The following TNNI3K variants were observed in gnomAD, a reference collection of about 807,000 sequenced individuals.
TNNI3K encodes the protein serine/threonine-protein kinase TNNI3K.
TNNI3K carries 140 observed loss-of-function variants against 114.5 expected under a neutral mutation model. The ratio of observed to expected loss-of-function variants is 1.22; its 90% confidence interval spans 1.07 to 1.41. The LOEUF (loss-of-function observed/expected upper bound fraction) is 1.41. Ranked by LOEUF, TNNI3K falls within the 40% of genes most tolerant of loss-of-function variation. The probability of loss-of-function intolerance (pLI) is 0.00; values close to 1 mark genes in which losing one functional copy is unlikely to be tolerated. For missense variants in TNNI3K, 1,125 were observed against 1,007.6 expected, an observed-to-expected ratio of 1.12 and a Z score of -1.58; for synonymous variants, 347 against 347.5, an observed-to-expected ratio of 1.00 and a Z score of 0.02.
chr1:74,387,497 G>C (rs1415411486), intron 17 of TNNI3K, among the ~76,000 whole-genome samples: 2 of 152,138 alleles, frequency 1.3e-5, no homozygotes, highest in Non-Finnish European at 2.9e-5. Context: ...GAACCATAGG[G>C]ACTTCCCAAA....
intron 11 of TNNI3K, chr1:74,366,729 G>C (rs1363742980): frequency 6.6e-6 from 1 of 152,020 alleles, no homozygotes; most frequent in East Asian, 1.9e-4. Context: ...AAATCACCCT[G>C]TGAAAGAGGA....
intron 20 of TNNI3K, among the ~76,000 whole-genome samples, chr1:74,456,988 T>C (rs1160631639): frequency 6.6e-6 from 1 of 152,188 alleles, no homozygotes; most frequent in African/African-American, 2.4e-5. Flanking sequence ...CCTCCTTAAA[T>C]ATTAGATGAT....
At chr1:74,414,667 G>T (rs1665035898) in intron 17 of TNNI3K, among the ~76,000 whole-genome samples, 2 of 152,180 alleles carry the variant, frequency 1.3e-5, no homozygotes, top group African/African-American at 4.8e-5. Context: ...GAACTTGAAA[G>T]CTTATAAGAA....
chr1:74,511,187 C>T (rs1670199396), intron 23 of TNNI3K, among the ~76,000 whole-genome samples: 1 of 126,284 alleles, frequency 7.9e-6, no homozygotes, highest in African/African-American at 3.2e-5. Context: ...AGCTACCGTG[C>T]CCGGCCTATT....
At chr1:74,499,453 A>G (rs895083933) in intron 23 of TNNI3K, among the ~76,000 whole-genome samples, 7 of 152,214 alleles carry the variant, frequency 4.6e-5, no homozygotes, top group Admixed American at 4.6e-4. Context: ...TTATTAAAGT[A>G]TGTTGTTGTA....
chr1:74,503,344 T>G (rs781447493), intron 23 of TNNI3K, among the ~76,000 whole-genome samples: 6 of 152,246 alleles, frequency 3.9e-5, no homozygotes, highest in Non-Finnish European at 7.3e-5. Context: ...CTTTCTAACT[T>G]ATATTTTACT....
chr1:74,446,098 C>A (rs1306908909), intron 20 of TNNI3K, among the ~76,000 whole-genome samples: 1 of 151,924 alleles, frequency 6.6e-6, no homozygotes, highest in Non-Finnish European at 1.5e-5. Flanking sequence ...AGTTCTAGAT[C>A]CCTGAGGAAT....
intron 23 of TNNI3K, among the ~76,000 whole-genome samples, chr1:74,521,017 C>T (rs1457082997): frequency 6.6e-6 from 1 of 152,136 alleles, no homozygotes; most frequent in African/African-American, 2.4e-5. Context: ...CACAGATCCA[C>T]CTTCTCTGCT....
chr1:74,503,041 A>G (rs1669715120), intron 23 of TNNI3K, among the ~76,000 whole-genome samples: 1 of 152,226 alleles, frequency 6.6e-6, no homozygotes, highest in Non-Finnish European at 1.5e-5. Context: ...GGAACTGAGT[A>G]CACTGTAAAA....
intron 5 of TNNI3K, among the ~76,000 whole-genome samples, chr1:74,324,671 A>G (rs1659805090): frequency 6.6e-6 from 1 of 152,182 alleles, no homozygotes; most frequent in South Asian, 2.1e-4. Context: ...TTCAGGACAC[A>G]TACACTCAAC....
rs1480436537 is a variant in TNNI3K, at chr1:74,249,456, C to T, written c.150-3C>T. The T allele has an allele frequency of 1.9e-6, 3 of 1,608,370 alleles. No homozygotes were observed. The African/African-American group carries it at 4.0e-5, about 22-fold the overall frequency. On this transcript the variant is annotated splice_polypyrimidine_tract_variant and splice_region_variant and intron_variant, in intron 2 of 24. Coordinates refer to ENST00000326637, the MANE Select transcript of TNNI3K (RefSeq NM_015978.3). The stretch of plus-strand genomic sequence containing the variant: ...GTGATCATCTGTAACATGTTTTTTT[C>T]AGCTCTGATGAAGCCTTCAGTAAAG...
intron 5 of TNNI3K, among the ~76,000 whole-genome samples, chr1:74,324,619 A>T (rs1039440142): frequency 2.6e-5 from 4 of 152,192 alleles, no homozygotes; most frequent in African/African-American, 9.6e-5. Flanking sequence ...AGAAGAGGGC[A>T]GCACACCTTA....
chr1:74,497,224 G>C (rs1432437155), intron 23 of TNNI3K, among the ~76,000 whole-genome samples: 2 of 152,098 alleles, frequency 1.3e-5, no homozygotes, highest in Non-Finnish European at 2.9e-5. Flanking sequence ...GAATGAAGAA[G>C]GGAGAGCAGC....
intron 11 of TNNI3K, among the ~76,000 whole-genome samples, chr1:74,358,310 G>T (rs1025627699): frequency 4.6e-5 from 7 of 152,114 alleles, no homozygotes; most frequent in Admixed American, 6.6e-5. Context: ...GAAGCTGGAG[G>T]TGGAGAATTA....
intron 5 of TNNI3K, among the ~76,000 whole-genome samples, chr1:74,283,322 G>A (rs528224409): frequency 6.6e-6 from 1 of 152,196 alleles, no homozygotes; most frequent in Non-Finnish European, 1.5e-5. Flanking sequence ...CAGGCTTTTG[G>A]TCTGGAGATA....
intron 17 of TNNI3K, among the ~76,000 whole-genome samples, chr1:74,392,476 G>A (rs550146195): frequency 9.9e-5 from 15 of 152,272 alleles, no homozygotes; most frequent in Non-Finnish European, 1.8e-4. Flanking sequence ...TCACTAGACC[G>A]TGCTGTCCAT....
chr1:74,287,954 G>A (rs959734684), intron 5 of TNNI3K, among the ~76,000 whole-genome samples: 9 of 151,802 alleles, frequency 5.9e-5, no homozygotes, highest in Admixed American at 4.6e-4. Flanking sequence ...TCAAAAATAG[G>A]AAATACAAAT....
intron 20 of TNNI3K, among the ~76,000 whole-genome samples, chr1:74,452,443 C>T (rs1340859552): frequency 6.6e-6 from 1 of 152,052 alleles, no homozygotes; most frequent in Non-Finnish European, 1.5e-5. Flanking sequence ...TCTTTAGTCT[C>T]GTTTTATTTA....
chr1:74,370,587 T>G, intron 17 of TNNI3K, 195 bp downstream of exon 17: 1 of 390,944 alleles, frequency 2.6e-6, no homozygotes, highest in Non-Finnish European at 4.5e-6. Context: ...TAACTGCTTC[T>G]CAGGGATCTT....
Sources: allele counts gnomAD v4.1 joint callset (sites outside exome capture counted in the v4.1 genomes callset), GRCh38; gene constraint gnomAD v4.1.1; transcripts MANE v1.5; gene names NCBI Gene and HGNC (gene_info 2026-07-23, HGNC 2026-07-21).